WDR24: variants seen among roughly 807,000 people sequenced by gnomAD.
WDR24 encodes GATOR2 complex protein WDR24.
WDR24 carries 32 observed loss-of-function variants against 66.7 expected under a neutral mutation model. The ratio of observed to expected loss-of-function variants is 0.48; its 90% CI spans 0.36 to 0.64. WDR24 has a LOEUF of 0.64. WDR24 is among the 30% of genes least tolerant of loss of function. WDR24 has a pLI of 0.00. For missense variants in WDR24, 978 were observed against 1,144.1 expected (o/e 0.85, Z 2.09); for synonymous variants, 565 against 469.1 (o/e 1.20, Z -2.64).
chr16:685,410 C>G lies in WDR24; in HGVS notation c.1866G>C (p.Ala622=), dbSNP rs1181255329. 2 of 1,612,532 alleles carry G rather than the reference C, an allele frequency of 1.2e-6. No individual in the cohort carries two copies. The highest frequency in any genetic ancestry group is 2.2e-5 in the East Asian group (1 of 44,864). The part of the protein sequence containing the change: ...SSFSLLSVSH[A]LYDSRLPPDF... ...CGGGCGGCAGGCGGCTGTCGTAGAG[C>G]GCGTGTGAGACAGACAGGAGCGAGA... Residue 622 remains alanine, a synonymous_variant, in exon 7 of 9, where the codon GCG becomes GCC. Coordinates refer to ENST00000293883, the MANE Select transcript of WDR24 (RefSeq NM_032259.4).
In WDR24 at chr16:685,951, C is replaced by A; in HGVS notation, c.1491G>T (p.Glu497Asp). 1 of 1,613,174 alleles carries A rather than the reference C, an allele frequency of 6.2e-7. No homozygotes were observed. The highest frequency in any genetic ancestry group is 8.5e-7 in the Non-Finnish European group (1 of 1,179,998). ...LKDMAPGLGS[E>D]TRLDRSKGDA... Reference sequence around the variant, plus strand: ...CTCCTTTGCTGCGGTCCAGCCGCGTCTCACTGCCCAACCCTGGGGCCATAT... The same window carrying A: ...CTCCTTTGCTGCGGTCCAGCCGCGTATCACTGCCCAACCCTGGGGCCATAT... Residue 497 changes from glutamate (E) to aspartate (D), a missense_variant, in exon 5 of 9, where the codon GAG (glutamate) becomes GAT (aspartate). Physicochemically the swap from Glu to Asp is conservative, Grantham distance 45 (BLOSUM62 2). Coordinates refer to ENST00000293883, the MANE Select transcript of WDR24 (RefSeq NM_032259.4).
At position 686,921 on chromosome 16, in the gene WDR24, A is replaced by G; in HGVS notation, c.1155T>C (p.Pro385=). The part of the protein sequence containing the change: ...HPIFFKRKLD[P]AEPFAGLASS... ...AGGCGAGGCCTGCGAAGGGCTCGGC[A>G]GGGTCCAGCTTGCGCTTAAAGAAGA... Residue 385 remains proline (P), a synonymous_variant, in exon 3 of 9, where the codon CCT becomes CCC. Coordinates refer to ENST00000293883, the MANE Select transcript of WDR24 (RefSeq NM_032259.4). 6.2e-7 allele frequency: 1 copy of G among 1,606,430 alleles called. No homozygotes were observed. Among genetic ancestry groups the G allele is most frequent in the Non-Finnish European group, 8.5e-7 (1 of 1,178,918 alleles).
chr16:687,969 G>A (rs543695353), intron 1 of WDR24: 22 of 681,858 alleles, frequency 3.2e-5, no homozygotes, highest in Middle Eastern at 4.7e-4. Flanking sequence ...ACTCCCGGGC[G>A]TCATTTGCCG....
Position 689,799 on chromosome 16 carries a change from C to CT in WDR24, c.-160dup. The CT allele has an allele frequency of 1.7e-6, 2 of 1,169,206 alleles. No homozygotes were observed. Among genetic ancestry groups the CT allele is most frequent in the Non-Finnish European group, 2.4e-6 (2 of 824,612 alleles). 72.4% of individuals were successfully genotyped at this position (1,169,206 alleles called of 1,614,324 possible). On this transcript the variant is annotated 5_prime_UTR_variant, in exon 1 of 9. Coordinates refer to ENST00000293883, the MANE Select transcript of WDR24 (RefSeq NM_032259.4). ...TCTTAGTGAGCCAATCCAGGGCTGTCTATCAGCCAATCAGCCTGACAGGCA... is the reference window on the plus strand; with the variant it reads ...TCTTAGTGAGCCAATCCAGGGCTGTCTTATCAGCCAATCAGCCTGACAGGCA...
chr16:687,698 C>T lies in WDR24; in HGVS notation c.523G>A (p.Asp175Asn), dbSNP rs771502736. Reference sequence around the variant, plus strand: ...AAGGTGGAGGCGAAGGTGAAGTAGTCCCGGATACTGAACTGCACGTCCCGC... The same window carrying T: ...AAGGTGGAGGCGAAGGTGAAGTAGTTCCGGATACTGAACTGCACGTCCCGC... ...SVRDVQFSIR[D>N]YFTFASTFEN... Residue 175 changes from aspartate (D) to asparagine (N), a missense_variant, in exon 2 of 9, where the codon GAC (aspartate) becomes AAC (asparagine). Around this residue, in one of 2 missense-constraint regions of WDR24, gnomAD observed 302 missense variants for 526.6 expected, o/e 0.57. Transcript: ENST00000293883. The T allele has an allele frequency of 6.2e-7, 1 of 1,613,606 alleles. No individual in the cohort carries two copies. The highest frequency in any genetic ancestry group is 1.1e-5 in the South Asian group (1 of 91,084).
Position 684,883 on chromosome 16 carries a change from T to G in WDR24, c.2224A>C (p.Met742Leu), listed in dbSNP as rs2039866961. ...VCDRCHRCAS[M>L]CAVCHHVVKG... ...ACTACGTGGTGGCAGACGGCACACA[T>G]GCTGGCGCAGCGGTGGCACCTGGGG... Residue 742 changes from methionine (M) to leucine (L), a missense_variant, in exon 9 of 9, where the codon ATG becomes CTG. Met to Leu is a conservative substitution (Grantham distance 15). Coordinates refer to ENST00000293883, the MANE Select transcript of WDR24 (RefSeq NM_032259.4). The G allele has an allele frequency of 1.0e-6, 1 of 983,912 alleles. No homozygotes were observed. The highest frequency in any genetic ancestry group is 1.4e-6 in the Non-Finnish European group (1 of 713,758). The allele number at this position is 983,912 out of a possible 1,614,324, so 60.9% of individuals were successfully genotyped here. A position where few individuals can be genotyped will look rare whatever the true frequency, so the allele number is the denominator to read the frequency against.
At chr16:685,621 GCT>G (rs990728917) in intron 6 of WDR24, 24 bp from the exon 7 acceptor site, 27 of 1,607,600 alleles carry the variant, frequency 1.7e-5, no homozygotes, top group East Asian at 2.2e-5. Flanking sequence ...ACCAGCGGAG[GCT>G]CTGAGTCTGT....
chr16:689,189 C>T lies in WDR24; in HGVS notation c.452G>A (p.Arg151His), dbSNP rs1275075874. The T allele has an allele frequency of 1.2e-6, 2 of 1,613,562 alleles. No homozygotes were observed. The highest frequency in any genetic ancestry group is 1.7e-6 in the Non-Finnish European group (2 of 1,180,014). Residue 151 changes from arginine to histidine, a missense_variant, in exon 1 of 9, where the codon CGC becomes CAC. Transcript: ENST00000293883. ...GAAGGTGCTGACAGAGTCCTTTCTG[C>T]GGAGGTCAAAGCACTTCATGAAGCC... ...QDGFMKCFDL[R>H]RKDSVSTFSG...
At chr16:687,923 G>T in intron 1 of WDR24, 184 bp from the exon 2 acceptor site, 1 of 781,386 alleles carries the variant, frequency 1.3e-6, no homozygotes, top group Non-Finnish European at 2.2e-6. Flanking sequence ...AAGAGCCTGG[G>T]CCCGGGAGCA....
At chr16:688,219 G>A in intron 1 of WDR24, 1 of 376,758 alleles carries the variant, frequency 2.7e-6, no homozygotes, top group Non-Finnish European at 5.3e-6. Flanking sequence ...TCCACCCTAG[G>A]GGACCACCAC....
Position 684,643 on chromosome 16 carries a change from A to C in WDR24, c.*91T>G. Reference sequence around the variant, plus strand: ...GACAGCGGCTCTACTTCCTTTATTGAGGTCTCAAGTTCCAGCCTCCGCCCG... The same window carrying C: ...GACAGCGGCTCTACTTCCTTTATTGCGGTCTCAAGTTCCAGCCTCCGCCCG... On this transcript the variant is annotated 3_prime_UTR_variant, in exon 9 of 9. Coordinates refer to ENST00000293883, the MANE Select transcript of WDR24 (RefSeq NM_032259.4). 1 of 1,456,890 alleles carries C rather than the reference A, an allele frequency of 6.9e-7. No individual in the cohort carries two copies. The highest frequency in any genetic ancestry group is 9.0e-7 in the Non-Finnish European group (1 of 1,106,402). The allele number at this position is 1,456,890 out of a possible 1,614,324, so 90.2% of individuals were successfully genotyped here.
intron 3 of WDR24, 101 bp downstream of exon 3, chr16:686,643 T>G: frequency 2.2e-6 from 3 of 1,385,974 alleles, no homozygotes; most frequent in Non-Finnish European, 9.8e-7. Flanking sequence ...CTGGCTGGAG[T>G]CCATTGCGGA....
In WDR24 at chr16:686,190, G is replaced by A; in HGVS notation, c.1333-4C>T. ...GCATGGTCCACGTTTGCGCCACCTA[G>A]GGGCGGGCACTGGTCACTTGTGGGC... On this transcript the variant is annotated splice_region_variant and splice_polypyrimidine_tract_variant and intron_variant, in intron 3 of 8. Coordinates refer to ENST00000293883, the MANE Select transcript of WDR24 (RefSeq NM_032259.4). 3.7e-6 allele frequency: 6 copies of A among 1,612,238 alleles called. No homozygotes were observed. The highest frequency in any genetic ancestry group is 5.1e-6 in the Non-Finnish European group (6 of 1,179,804).
Position 686,854 on chromosome 16 carries a change from C to G in WDR24, c.1222G>C (p.Gly408Arg). The change falls in exon 3 of 9, where the codon GGC becomes CGC. Residue 408 changes from glycine (G) to arginine (R), a missense_variant. This residue lies in a region of WDR24 where 676 missense variants were observed against 617.5 expected (regional missense o/e 1.09). Transcript: ENST00000293883. ...GCTGTGTCCACAAACCAGCGCATGC[C>G]GCCGCCACCTGGCTCCGTCTCAAAG... ...SVFETEPGGG[G>R]MRWFVDTAER... 10 of 1,611,034 alleles carry G rather than the reference C, an allele frequency of 6.2e-6. No homozygotes were observed. Among genetic ancestry groups the G allele is most frequent in the Non-Finnish European group, 8.5e-6 (10 of 1,179,778 alleles).
At position 689,418 on chromosome 16, in the gene WDR24, G is replaced by C; in HGVS notation, c.223C>G (p.Leu75Val). The C allele has an allele frequency of 1.9e-6, 3 of 1,613,666 alleles. No homozygotes were observed. The highest frequency in any genetic ancestry group is 2.5e-6 in the Non-Finnish European group (3 of 1,180,012). Residue 75 changes from leucine (L) to valine (V), a missense_variant, in exon 1 of 9, where the codon CTG (leucine) becomes GTG (valine). By Grantham distance (32) the Leu-to-Val change is conservative. Coordinates refer to ENST00000293883, the MANE Select transcript of WDR24 (RefSeq NM_032259.4). ...LRVGRKPSLN[L>V]SCADVVWHQM... ...TGCCAGACCACGTCAGCACAGCTCA[G>C]GTTAAGCGAAGGCTTGCGCCCCACA...
Position 685,606 on chromosome 16 carries a change from C to T in WDR24, c.1679-9G>A. The T allele has an allele frequency of 6.2e-7, 1 of 1,601,932 alleles. No individual in the cohort carries two copies. The highest frequency in any genetic ancestry group is 1.1e-5 in the South Asian group (1 of 90,888). On this transcript the variant is annotated splice_polypyrimidine_tract_variant and intron_variant, in intron 6 of 8. Coordinates refer to ENST00000293883, the MANE Select transcript of WDR24 (RefSeq NM_032259.4). ...GCACTCAGGGTCCTCGGCTGGAAGG[C>T]AGGGACCAGCGGAGGCTCTGAGTCT... is the stretch of plus-strand genomic sequence containing the variant.
In WDR24 at chr16:687,759, G is replaced by A; in HGVS notation, c.482-20C>T. 2 of 1,609,970 alleles carry A rather than the reference G, an allele frequency of 1.2e-6. No individual in the cohort carries two copies. Among genetic ancestry groups the A allele is most frequent in the Non-Finnish European group, 1.7e-6 (2 of 1,178,590 alleles). On this transcript the variant is annotated intron_variant, in intron 1 of 8. Coordinates refer to ENST00000293883, the MANE Select transcript of WDR24 (RefSeq NM_032259.4). Reference sequence around the variant, plus strand: ...ACTGGCCTGCAGGCAGGAGGTCGATGCAGGGGAAGTGACGGGGCTGGCCCA... The same window carrying A: ...ACTGGCCTGCAGGCAGGAGGTCGATACAGGGGAAGTGACGGGGCTGGCCCA...
chr16:687,460 CAG>C (rs998352368), intron 2 of WDR24, 44 bp from the exon 3 acceptor site: 1 of 1,570,632 alleles, frequency 6.4e-7, no homozygotes, highest in African/African-American at 1.3e-5. Flanking sequence ...GCCTTTCCTG[CAG>C]AGAGGGGACC....
intron 1 of WDR24, chr16:688,140 C>T (rs1408324586): frequency 2.2e-6 from 1 of 453,454 alleles, no homozygotes; most frequent in South Asian, 1.6e-5. Flanking sequence ...CCAGCCTTGG[C>T]CCAGTCCCTT....
Sources: gnomAD v4.1 joint callset for allele counts on GRCh38, gnomAD v4.1.1 for gene constraint, gnomAD v4.1.1 regional missense constraint, MANE v1.5 for transcripts, NCBI Gene and HGNC (gene_info 2026-07-23, HGNC 2026-07-21) for gene names.